Variants in IL21R observed in about 807,000 individuals in gnomAD.
IL21R encodes the protein interleukin 21 receptor.
A neutral mutation model predicts 41.3 loss-of-function variants in IL21R; 14 were observed. That is an observed-to-expected ratio of 0.34 (90% confidence interval 0.22 to 0.53). The LOEUF is 0.53. Among genes scored for constraint, IL21R ranks in the 20% least tolerant of loss-of-function variants. IL21R has a pLI of 0.94. For synonymous variants in IL21R, 286 were observed against 287.6 expected, an observed-to-expected ratio of 0.99 and a Z score of 0.05; for missense variants, 588 against 681.6, an observed-to-expected ratio of 0.86 and a Z score of 1.53.
chr16:27,442,844 T>G, intron 4 of IL21R, 118 bp from the exon 5 acceptor site: 1 of 899,148 alleles, frequency 1.1e-6, no homozygotes, highest in Non-Finnish European at 1.7e-6. Flanking sequence ...ATCTCATCCA[T>G]GATGGGTCAG....
rs780872071 is a variant in IL21R, at chr16:27,448,627, C to T, written c.961C>T (p.Pro321Ser). The stretch of plus-strand genomic sequence containing the variant: ...CACCCTGGAGGTGTACAGCTGCCAC[C>T]CACCACGGAGCCCGGCCAAGAGGCT... Reference protein sequence around the residue: ...PSTLEVYSCHPPRSPAKRLQL... With the variant: ...PSTLEVYSCHSPRSPAKRLQL... The change falls in exon 9 of 9, where the codon CCA becomes TCA. Residue 321 changes from proline (P) to serine (S), a missense_variant. Coordinates refer to ENST00000337929, the MANE Select transcript of IL21R (RefSeq NM_181078.3). 1.9e-6 allele frequency: 3 copies of T among 1,613,150 alleles called. No individual in the cohort carries two copies. The highest frequency in any genetic ancestry group is 2.5e-6 in the Non-Finnish European group (3 of 1,180,012).
chr16:27,416,856 C>A lies in IL21R; in HGVS notation c.-16-13200C>A, dbSNP rs144107543. Among the ~76,000 whole-genome samples, 7 of 152,306 alleles carry A rather than the reference C, an allele frequency of 4.6e-5. No homozygotes were observed. In the East Asian group the frequency reaches 1.3e-3, roughly 29 times the overall value. ...ATCTGCCAATGCTGGACATTTCATA[C>A]ATATGGAGTCATACAATATGAGGCC... On this transcript the variant is annotated intron_variant, in intron 1 of 8. Transcript: ENST00000337929.
intron 1 of IL21R, among the ~76,000 whole-genome samples, chr16:27,423,187 T>C (rs2087023250): frequency 6.6e-6 from 1 of 152,118 alleles, no homozygotes; most frequent in Admixed American, 6.6e-5. Flanking sequence ...TTCAATGCAT[T>C]TTTCCTCTCT....
intron 1 of IL21R, among the ~76,000 whole-genome samples, chr16:27,425,133 A>G (rs2087055065): frequency 6.6e-6 from 1 of 152,216 alleles, no homozygotes; most frequent in East Asian, 1.9e-4. Flanking sequence ...GGGTGGGACA[A>G]ATATCCAAAC....
Position 27,412,758 on chromosome 16 carries a change from T to G in IL21R, c.-17+10140T>G, listed in dbSNP as rs2086841275. 2.0e-5 allele frequency among the ~76,000 whole-genome samples: 3 copies of G among 152,184 alleles called. No homozygotes were observed. In the South Asian group the frequency reaches 6.2e-4, roughly 31 times the overall value. ...TGCTATTGTAAATGAAATTTTTTGC[T>G]TAAGTTTCTTTTTGGATTGTCCATT... is the stretch of plus-strand genomic sequence containing the variant. On this transcript the variant is annotated intron_variant, in intron 1 of 8. Coordinates refer to ENST00000337929, the MANE Select transcript of IL21R (RefSeq NM_181078.3).
rs755277911 is a variant in IL21R, at chr16:27,434,386, T to C, written c.89T>C (p.Leu30Pro). 6.2e-7 allele frequency: 1 copy of C among 1,613,802 alleles called. No homozygotes were observed. The highest frequency in any genetic ancestry group is 1.1e-5 in the South Asian group (1 of 91,062). Residue 30 changes from leucine (L) to proline (P), a missense_variant, in exon 3 of 9, where the codon CTC (leucine) becomes CCC (proline). Leu to Pro is a moderately conservative substitution (Grantham distance 98). Coordinates refer to ENST00000337929, the MANE Select transcript of IL21R (RefSeq NM_181078.3). ...GACCTCGTCTGCTACACCGATTACC[T>C]CCAGACGGTCATCTGCATCCTGGAA... Reference protein sequence around the residue: ...CPDLVCYTDYLQTVICILEMW... With the variant: ...CPDLVCYTDYPQTVICILEMW...
chr16:27,418,530 G>C (rs1055053399), intron 1 of IL21R, among the ~76,000 whole-genome samples: 16 of 151,806 alleles, frequency 1.1e-4, no homozygotes, highest in African/African-American at 3.9e-4. Context: ...CACCACGCTC[G>C]GCTAATTTTT....
intron 2 of IL21R, among the ~76,000 whole-genome samples, chr16:27,431,310 C>T (rs183806795): frequency 2.0e-5 from 3 of 152,336 alleles, no homozygotes; most frequent in African/African-American, 4.8e-5. Flanking sequence ...CCACATCTGG[C>T]GGGTGCAGAT....
chr16:27,403,209 A>T, intron 1 of IL21R: 1 of 1,339,654 alleles, frequency 7.5e-7, no homozygotes, highest in Non-Finnish European at 9.8e-7. Context: ...AGCACGGGGA[A>T]CGGGTCGGAT....
At chr16:27,431,669 G>C (rs1325954798) in intron 2 of IL21R, among the ~76,000 whole-genome samples, 2 of 147,890 alleles carry the variant, frequency 1.4e-5, no homozygotes, top group African/African-American at 5.0e-5. Flanking sequence ...TTTTTTTTTT[G>C]AGACTGAGCC....
intron 4 of IL21R, among the ~76,000 whole-genome samples, chr16:27,441,754 A>G (rs955365833): frequency 3.9e-5 from 6 of 152,152 alleles, no homozygotes; most frequent in Admixed American, 6.6e-5. Flanking sequence ...TGTTCTTGCA[A>G]TCCCAGGATT....
chr16:27,437,804 A>G, intron 4 of IL21R, 117 bp downstream of exon 4: 1 of 776,478 alleles, frequency 1.3e-6, no homozygotes, highest in South Asian at 1.6e-5. Flanking sequence ...CTGGGACAAC[A>G]GGTGTACACC....
At chr16:27,433,192 C>T (rs1172466125) in intron 2 of IL21R, among the ~76,000 whole-genome samples, 1 of 152,284 alleles carries the variant, frequency 6.6e-6, no homozygotes, top group Admixed American at 6.5e-5. Flanking sequence ...CAAGGTCAGG[C>T]ACGATGGCTC....
At chr16:27,409,190 TTA>T (rs1303349240) in intron 1 of IL21R, among the ~76,000 whole-genome samples, 1 of 147,398 alleles carries the variant, frequency 6.8e-6, no homozygotes, top group Non-Finnish European at 1.5e-5. Context: ...TAAAAATAAA[TTA>T]TATATGTTTA....
At chr16:27,438,064 A>C (rs778419197) in intron 4 of IL21R, among the ~76,000 whole-genome samples, 2 of 151,968 alleles carry the variant, frequency 1.3e-5, no homozygotes, top group African/African-American at 4.8e-5. Context: ...ATTTTTTACT[A>C]AAGTGTGAAA....
chr16:27,403,203 C>G (rs114226509), intron 1 of IL21R: 2 of 1,341,666 alleles, frequency 1.5e-6, no homozygotes, highest in Non-Finnish European at 9.8e-7. Context: ...TCATGAAGCA[C>G]GGGGAACGGG....
chr16:27,441,919 G>A (rs2087394496), intron 4 of IL21R, among the ~76,000 whole-genome samples: 1 of 152,176 alleles, frequency 6.6e-6, no homozygotes, highest in Admixed American at 6.5e-5. Flanking sequence ...GCTGAAGTGG[G>A]AGGATGGCTT....
chr16:27,449,203 G>A lies in IL21R; in HGVS notation c.1537G>A (p.Glu513Lys), dbSNP rs1009136590. 18 of 1,612,828 alleles carry A rather than the reference G, an allele frequency of 1.1e-5. No individual in the cohort carries two copies. In the African/African-American group the frequency reaches 1.2e-4, roughly 11 times the overall value. ...GTGTGACTTCACCAGCCCCGGGGAC[G>A]AAGGACCCCCCCGGAGCTACCTCCG... The part of the protein sequence containing the change: ...VECDFTSPGD[E>K]GPPRSYLRQW... The change falls in exon 9 of 9, where the codon GAA becomes AAA. Residue 513 changes from glutamate to lysine, a missense_variant. Glu to Lys is a moderately conservative substitution (Grantham distance 56). Transcript: ENST00000337929.
chr16:27,448,943 T>C lies in IL21R; in HGVS notation c.1277T>C (p.Leu426Pro), dbSNP rs776206056. 2 of 1,613,266 alleles carry C rather than the reference T, an allele frequency of 1.2e-6. No homozygotes were observed. Among genetic ancestry groups the C allele is most frequent in the Non-Finnish European group, 1.7e-6 (2 of 1,179,854 alleles). The change falls in exon 9 of 9, where the codon CTG becomes CCG. Residue 426 changes from leucine to proline, a missense_variant. Coordinates refer to ENST00000337929, the MANE Select transcript of IL21R (RefSeq NM_181078.3). ...CTCTTGGATGCAGGGACCACAGTCC[T>C]GTCCTGTGGCTGTGTCTCAGCTGGC... Reference protein sequence around the residue: ...DPLLDAGTTVLSCGCVSAGSP... With the variant: ...DPLLDAGTTVPSCGCVSAGSP...
Sources: allele counts gnomAD v4.1 joint callset (sites outside exome capture counted in the v4.1 genomes callset), GRCh38; gene constraint gnomAD v4.1.1; transcripts MANE v1.5; gene names NCBI Gene and HGNC (gene_info 2026-07-23, HGNC 2026-07-21).